The following ATRNL1 variants were observed in gnomAD, a reference collection of about 807,000 sequenced individuals.
ATRNL1 encodes attractin like 1, also known as attractin-like protein 1.
Under a neutral mutation model 182.7 loss-of-function variants are expected in ATRNL1, and 95 were observed. The observed-to-expected ratio is 0.52, with a 90% confidence interval of 0.44 to 0.62. The LOEUF (loss-of-function observed/expected upper bound fraction) is 0.62, where lower values mean the gene tolerates loss of function less well. Ranked by LOEUF, ATRNL1 falls within the 20% of genes least tolerant of loss-of-function variation. The probability of loss-of-function intolerance (pLI) is 0.00; values close to 1 mark genes in which losing one functional copy is unlikely to be tolerated. For synonymous variants in ATRNL1, 576 were observed against 568.3 expected, an observed-to-expected ratio of 1.01 and a Z score of -0.19; for missense variants, 1,471 against 1,679.5, an observed-to-expected ratio of 0.88 and a Z score of 2.17.
In ATRNL1 at chr10:115,941,725, G is replaced by A. The variant is rs558733301; in HGVS notation, c.4019-2933G>A. Among the ~76,000 whole-genome samples, 35 of 152,286 alleles carry A rather than the reference G, an allele frequency of 2.3e-4. 2 individuals are homozygous for A. In the South Asian group the frequency reaches 7.3e-3, roughly 32 times the overall value. On this transcript the variant is annotated intron_variant, in intron 28 of 28. Coordinates refer to ENST00000355044, the MANE Select transcript of ATRNL1 (RefSeq NM_207303.4). ...AAGTTGTAAATAATGACAGAAGTAT[G>A]CCAGAAGATCAGTGGAAACTTACAG...
At chr10:115,155,931 G>A (rs1323401908) in intron 5 of ATRNL1, among the ~76,000 whole-genome samples, 1 of 152,022 alleles carries the variant, frequency 6.6e-6, no homozygotes, top group African/African-American at 2.4e-5. Context: ...AGTGGTTGGG[G>A]TATCGTGGGG....
rs973520488 is a variant in ATRNL1 at position 115,312,185 on chromosome 10, T to C, written c.2819-3333T>C. Among the ~76,000 whole-genome samples, 63 of 152,174 alleles carry C rather than the reference T, an allele frequency of 4.1e-4. 1 individual carries two copies. The highest frequency in any genetic ancestry group is 1.6e-4 in the Non-Finnish European group (11 of 68,012). On this transcript the variant is annotated intron_variant, in intron 17 of 28. Transcript: ENST00000355044. ...AGTTACTTTGTTTTCTTCATTGTAT[T>C]ATTACTTTATAGGCCCTGTGAGTTT... is the stretch of plus-strand genomic sequence containing the variant.
chr10:115,828,610 C>T (rs1417755921), intron 27 of ATRNL1, among the ~76,000 whole-genome samples: 1 of 152,134 alleles, frequency 6.6e-6, no homozygotes, highest in Non-Finnish European at 1.5e-5. Flanking sequence ...TTTCTAATTC[C>T]TCAGGATTTA....
intron 26 of ATRNL1, among the ~76,000 whole-genome samples, chr10:115,708,755 A>T (rs770827950): frequency 6.6e-6 from 1 of 151,794 alleles, no homozygotes; most frequent in Non-Finnish European, 1.5e-5. Flanking sequence ...GAAAATTGCT[A>T]AAGGATATCA....
At chr10:115,413,657 T>C (rs1554960311) in intron 20 of ATRNL1, among the ~76,000 whole-genome samples, 1 of 152,134 alleles carries the variant, frequency 6.6e-6, no homozygotes, top group Non-Finnish European at 1.5e-5. Context: ...CTAGCTCTTT[T>C]GTTTATGTGA....
At chr10:115,541,713 G>A (rs1554992026) in intron 25 of ATRNL1, among the ~76,000 whole-genome samples, 1 of 152,092 alleles carries the variant, frequency 6.6e-6, no homozygotes, top group African/African-American at 2.4e-5. Context: ...ACATAGTGTT[G>A]AATGATAGAG....
At chr10:115,311,740 T>A (rs1854040582) in intron 17 of ATRNL1, among the ~76,000 whole-genome samples, 1 of 152,230 alleles carries the variant, frequency 6.6e-6, no homozygotes, top group African/African-American at 2.4e-5. Context: ...GCTGTCTATC[T>A]CTTTCTTAGG....
intron 27 of ATRNL1, among the ~76,000 whole-genome samples, chr10:115,750,118 G>A (rs1454929454): frequency 6.6e-6 from 1 of 151,748 alleles, no homozygotes; most frequent in Non-Finnish European, 1.5e-5. Context: ...GAAATAAAAG[G>A]GAATTAAGAT....
chr10:115,295,672 A>G (rs112912732), intron 15 of ATRNL1, among the ~76,000 whole-genome samples: 26 of 152,020 alleles, frequency 1.7e-4, no homozygotes, highest in African/African-American at 5.5e-4. Context: ...AGGGCATGCA[A>G]TGGTTTGACT....
At chr10:115,775,436 T>C (rs1289854480) in intron 27 of ATRNL1, among the ~76,000 whole-genome samples, 1 of 152,216 alleles carries the variant, frequency 6.6e-6, no homozygotes, top group Admixed American at 6.5e-5. Context: ...TCAGAAAATA[T>C]TGACTTATTC....
At chr10:115,279,201 C>CAA (rs1156356544) in intron 13 of ATRNL1, among the ~76,000 whole-genome samples, 2 of 109,398 alleles carry the variant, frequency 1.8e-5, no homozygotes, top group African/African-American at 3.1e-5. Context: ...GACTCTGTCT[C>CAA]AAAAAAAAAA....
At chr10:115,577,656 C>A (rs2804184) in intron 26 of ATRNL1, among the ~76,000 whole-genome samples, 1 of 119,960 alleles carries the variant, frequency 8.3e-6, no homozygotes, top group Non-Finnish European at 1.9e-5. Context: ...GTGTGTGTAG[C>A]CTTATAGGGT....
At chr10:115,628,802 CA>C (rs1858286328) in intron 26 of ATRNL1, among the ~76,000 whole-genome samples, 2 of 151,996 alleles carry the variant, frequency 1.3e-5, no homozygotes, top group Non-Finnish European at 2.9e-5. Context: ...TTGGTTGGTG[CA>C]AAAGTAATTG....
chr10:115,125,896 G>A (rs151294841), intron 3 of ATRNL1, among the ~76,000 whole-genome samples: 272 of 152,128 alleles, frequency 1.8e-3, no homozygotes, highest in African/African-American at 6.2e-3. Context: ...TCAATGCCTG[G>A]GCAGGCCTTC....
intron 24 of ATRNL1, among the ~76,000 whole-genome samples, chr10:115,475,303 A>G (rs1554972883): frequency 6.6e-6 from 1 of 151,546 alleles, no homozygotes; most frequent in African/African-American, 2.4e-5. Flanking sequence ...TATGCATGAA[A>G]TGCTGCTATC....
chr10:115,542,404 C>A (rs1285397740), intron 25 of ATRNL1, among the ~76,000 whole-genome samples: 1 of 152,056 alleles, frequency 6.6e-6, no homozygotes, highest in Non-Finnish European at 1.5e-5. Context: ...GTGTAGCAAA[C>A]CATCCAATTT....
chr10:115,790,683 T>C (rs1018764933), intron 27 of ATRNL1, among the ~76,000 whole-genome samples: 1 of 152,026 alleles, frequency 6.6e-6, no homozygotes. Flanking sequence ...GTCAGAGAGA[T>C]CTAGACCAGT....
intron 27 of ATRNL1, 21 bp downstream of exon 27, chr10:115,727,376 A>G: frequency 6.4e-7 from 1 of 1,556,104 alleles, no homozygotes; most frequent in Non-Finnish European, 8.9e-7. Flanking sequence ...CGGTGCTGAA[A>G]GAGGACCACT....
At chr10:115,153,381 G>C (rs1202001508) in intron 5 of ATRNL1, among the ~76,000 whole-genome samples, 2 of 152,060 alleles carry the variant, frequency 1.3e-5, no homozygotes, top group Non-Finnish European at 2.9e-5. Flanking sequence ...ATTAATTATT[G>C]CCTCAATTTC....
Sources: gnomAD v4.1 joint callset for allele counts (sites outside exome capture counted in the v4.1 genomes callset) on GRCh38, gnomAD v4.1.1 for gene constraint, MANE v1.5 for transcripts, NCBI Gene and HGNC (gene_info 2026-07-23, HGNC 2026-07-21) for gene names.